UGT3A1: variants seen among roughly 807,000 people sequenced by gnomAD.
UGT3A1 encodes the protein UDP glycosyltransferase family 3 member A1.
In UGT3A1, 40 loss-of-function variants were observed where a neutral mutation model predicts 37.6. The observed-to-expected ratio is 1.06, with a 90% confidence interval of 0.83 to 1.38. UGT3A1 has a LOEUF of 1.38. Ranked by LOEUF, UGT3A1 falls within the 40% of genes most tolerant of loss-of-function variation. The pLI is 0.00. For synonymous variants in UGT3A1, 256 were observed against 232.3 expected (o/e 1.10, Z -0.93); for missense variants, 642 against 634.2 (o/e 1.01, Z -0.13).
rs776641547 is a variant in UGT3A1, at chr5:35,955,774, G to A, written c.1166C>T (p.Pro389Leu). 11 of 1,614,068 alleles carry A rather than the reference G, an allele frequency of 6.8e-6. No individual in the cohort carries two copies. The highest frequency in any genetic ancestry group is 9.3e-6 in the Non-Finnish European group (11 of 1,180,044). The change falls in exon 6 of 7, where the codon CCA becomes CTA. Residue 389 changes from proline (P) to leucine (L), a missense_variant. Pro to Leu is a moderately conservative substitution (Grantham distance 98, BLOSUM62 -3). Coordinates refer to ENST00000274278, the MANE Select transcript of UGT3A1 (RefSeq NM_152404.4). ...GTTTCCATGCTGGTCTCCATTGACT[G>A]GTAATCCCACCATGGGCACACCATG... ...IRHGVPMVGL[P>L]VNGDQHGNMV... is the part of the protein sequence containing the mutation.
chr5:35,992,315 AAGAG>A (rs1038544444), upstream of UGT3A1, among the ~76,000 whole-genome samples: 5 of 152,044 alleles, frequency 3.3e-5, no homozygotes, highest in South Asian at 2.1e-4. Context: ...GGAAATGAGA[AAGAG>A]AGAGAGCCAG....
upstream of UGT3A1, among the ~76,000 whole-genome samples, chr5:35,992,886 G>A (rs180854244): frequency 1.1e-3 from 164 of 152,214 alleles, no homozygotes; most frequent in African/African-American, 3.8e-3. Context: ...GCTTGGAACT[G>A]GGTCACACAA....
chr5:35,957,733 C>A (rs183709664), intron 4 of UGT3A1, among the ~76,000 whole-genome samples: 1 of 152,100 alleles, frequency 6.6e-6, no homozygotes, highest in East Asian at 1.9e-4. Context: ...TCACAGAAAA[C>A]GCTTTGATGA....
At chr5:35,988,764 C>T (rs984367914) in intron 1 of UGT3A1, among the ~76,000 whole-genome samples, 37 of 152,108 alleles carry the variant, frequency 2.4e-4, no homozygotes, top group East Asian at 3.9e-4. Flanking sequence ...GTCCTATGTT[C>T]GGGACCTGTG....
chr5:35,955,222 G>C, intron 6 of UGT3A1: 1 of 252,450 alleles, frequency 4.0e-6, no homozygotes, highest in Non-Finnish European at 7.6e-6. Flanking sequence ...TTGGAGAAGA[G>C]ACCCAAATGT....
rs949126743 is a variant in UGT3A1 at position 35,990,925 on chromosome 5, A to G, written c.94+222T>C. 5 of 1,417,404 alleles carry G rather than the reference A, an allele frequency of 3.5e-6. No homozygotes were observed. The African/African-American group carries it at 7.2e-5, about 21-fold the overall frequency. 87.8% of individuals were successfully genotyped at this position (1,417,404 alleles called of 1,614,324 possible). A position where few individuals can be genotyped will look rare whatever the true frequency, so the allele number is the denominator to read the frequency against. ...AGCGCGTCCTGAACAAGAAGAGAGA[A>G]GAAAGGAGAGTGTCTTTTCTCAAAA... On this transcript the variant is annotated intron_variant, in intron 1 of 6. Coordinates refer to ENST00000274278, the MANE Select transcript of UGT3A1 (RefSeq NM_152404.4).
intron 4 of UGT3A1, among the ~76,000 whole-genome samples, chr5:35,959,669 G>A (rs1739499144): frequency 6.6e-6 from 1 of 151,748 alleles, no homozygotes; most frequent in Non-Finnish European, 1.5e-5. Flanking sequence ...AAAATGTAAG[G>A]GACAATAGGA....
At position 35,957,349 on chromosome 5, in the gene UGT3A1, T is replaced by C; in HGVS notation, c.914A>G (p.Asn305Ser). 1 of 1,614,172 alleles carries C rather than the reference T, an allele frequency of 6.2e-7. No homozygotes were observed. The highest frequency in any genetic ancestry group is 8.5e-7 in the Non-Finnish European group (1 of 1,180,032). Residue 305 changes from asparagine to serine, a missense_variant, in exon 5 of 7, where the codon AAC becomes AGC. Coordinates refer to ENST00000274278, the MANE Select transcript of UGT3A1 (RefSeq NM_152404.4). ...FVLVAFGSML[N>S]THQSQEVLKK... is the part of the protein sequence containing the mutation. ...GAGGACTTCCTGGGACTGATGGGTG[T>C]TCAACATGGAGCCAAAGGCCACAAG...
rs1429368858 is a variant in UGT3A1 at position 35,952,607 on chromosome 5, T to C, written c.*1595A>G. 2 of 152,330 alleles carry C rather than the reference T, an allele frequency of 1.3e-5. No homozygotes were observed. Among genetic ancestry groups the C allele is most frequent in the East Asian group, 3.9e-4 (2 of 5,184 alleles). The allele number at this position is 152,330 out of a possible 1,614,324, so 9.4% of individuals were successfully genotyped here. On this transcript the variant is annotated 3_prime_UTR_variant, in exon 7 of 7. Coordinates refer to ENST00000274278, the MANE Select transcript of UGT3A1 (RefSeq NM_152404.4). ...GGGAGTTACTGGCCAGGGAGGCTTA[T>C]CCCTAAGACCTTATGTTGCTCATGA...
rs16874301 is a variant in UGT3A1 at position 35,999,396 on chromosome 5, C to G, written c.-160+1572G>C. ...ATGCCACAGCTGAAAGAGCAGCATTCAAGCCACCAGCACCAATCCAGGAAA... is the reference window on the plus strand; with the variant it reads ...ATGCCACAGCTGAAAGAGCAGCATTGAAGCCACCAGCACCAATCCAGGAAA... On this transcript the variant is annotated intron_variant, in intron 1 of 5. Coordinates refer to the UGT3A1 transcript ENST00000625798. 5.6e-3 allele frequency among the ~76,000 whole-genome samples: 857 copies of G among 152,224 alleles called. 24 individuals carry two copies. In the East Asian group the frequency reaches 0.065, roughly 12 times the overall value.
chr5:35,994,333 T>TTTGTGTG (rs1368444490), upstream of UGT3A1, among the ~76,000 whole-genome samples: 1 of 138,554 alleles, frequency 7.2e-6, no homozygotes, highest in Non-Finnish European at 1.6e-5. Flanking sequence ...TTTGTTTTGT[T>TTTGTGTG]TGTGTGTGTG....
At chr5:35,980,609 C>G (rs1187013010) in intron 2 of UGT3A1, among the ~76,000 whole-genome samples, 1 of 152,184 alleles carries the variant, frequency 6.6e-6, no homozygotes, top group African/African-American at 2.4e-5. Flanking sequence ...AGGCCTCTCT[C>G]CAAATCCCTA....
At chr5:35,973,841 G>A (rs558469852) in intron 2 of UGT3A1, among the ~76,000 whole-genome samples, 1 of 152,244 alleles carries the variant, frequency 6.6e-6, no homozygotes, top group Admixed American at 6.5e-5. Flanking sequence ...GGTAGGCATG[G>A]TTACCATGAG....
chr5:35,987,278 A>G (rs1275519895), intron 2 of UGT3A1, among the ~76,000 whole-genome samples: 1 of 152,154 alleles, frequency 6.6e-6, no homozygotes, highest in Non-Finnish European at 1.5e-5. Context: ...TACTACTGCA[A>G]ACTAGAAGGA....
chr5:35,975,623 C>T (rs1207764277), intron 2 of UGT3A1, among the ~76,000 whole-genome samples: 1 of 152,156 alleles, frequency 6.6e-6, no homozygotes, highest in Non-Finnish European at 1.5e-5. Context: ...CCATGTTCCC[C>T]ACCATCCTAA....
intron 2 of UGT3A1, among the ~76,000 whole-genome samples, chr5:35,983,888 T>C (rs539365940): frequency 2.2e-4 from 33 of 152,202 alleles, no homozygotes; most frequent in African/African-American, 7.0e-4. Flanking sequence ...AAACTAGGTA[T>C]AGAAGGAACA....
chr5:35,976,289 A>G (rs1474442642), intron 2 of UGT3A1, among the ~76,000 whole-genome samples: 4 of 152,194 alleles, frequency 2.6e-5, no homozygotes, highest in African/African-American at 9.6e-5. Context: ...TTGCTCCTAC[A>G]CATTGGAGGT....
chr5:35,974,187 C>G (rs1352056072), intron 2 of UGT3A1, among the ~76,000 whole-genome samples: 1 of 152,114 alleles, frequency 6.6e-6, no homozygotes, highest in Admixed American at 6.5e-5. Context: ...ACTAGTGTGG[C>G]TAGGCATTGG....
chr5:35,985,079 T>TAAAAAAAAAAAAAAAAAAAAAAAAAA (rs59401195), intron 2 of UGT3A1, among the ~76,000 whole-genome samples: 1 of 116,022 alleles, frequency 8.6e-6, no homozygotes, highest in Non-Finnish European at 1.8e-5. Flanking sequence ...ACATAAAATA[T>TAAAAAAAAAAAAAAAAAAAAAAAAAA]AAAAAAAAAA....
Sources: allele counts gnomAD v4.1 joint callset (sites outside exome capture counted in the v4.1 genomes callset), GRCh38; gene constraint gnomAD v4.1.1; transcripts MANE v1.5; gene names NCBI Gene and HGNC (gene_info 2026-07-23, HGNC 2026-07-21).